Variants in ERBB4 observed in about 807,000 individuals in gnomAD.
The protein encoded by ERBB4 is erb-b2 receptor tyrosine kinase 4.
Under a neutral mutation model 158.0 loss-of-function variants are expected in ERBB4, and 42 were observed. The ratio of observed to expected loss-of-function variants is 0.27; its 90% CI spans 0.21 to 0.34. ERBB4 has a LOEUF of 0.34. Among genes scored for constraint, ERBB4 ranks in the 10% least tolerant of loss-of-function variants. The pLI, the probability that ERBB4 is intolerant of heterozygous loss-of-function variation, is 1.00. For missense variants in ERBB4, 1,333 were observed against 1,624.1 expected, an observed-to-expected ratio of 0.82 and a Z score of 3.08; for synonymous variants, 583 against 558.7, an observed-to-expected ratio of 1.04 and a Z score of -0.61.
intron 12 of ERBB4, among the ~76,000 whole-genome samples, chr2:211,691,598 GTGTGTATATA>G (rs1463737789): frequency 3.4e-4 from 49 of 143,814 alleles, no homozygotes; most frequent in African/African-American, 1.2e-3. Flanking sequence ...GTGTGTGTGT[GTGTGTATATA>G]TATAACAGAT....
At chr2:211,914,215 G>A (rs1473796006) in intron 3 of ERBB4, among the ~76,000 whole-genome samples, 2 of 151,646 alleles carry the variant, frequency 1.3e-5, no homozygotes, top group Admixed American at 6.6e-5. Context: ...GGACTTGAAT[G>A]TGGTACAAGC....
chr2:212,095,778 G>GA (rs1024497975), intron 2 of ERBB4, among the ~76,000 whole-genome samples: 1 of 151,536 alleles, frequency 6.6e-6, no homozygotes, highest in Non-Finnish European at 1.5e-5. Flanking sequence ...TAAAAACACA[G>GA]AAAAAAATTA....
At chr2:211,875,258 T>C (rs1050859639) in intron 3 of ERBB4, among the ~76,000 whole-genome samples, 3 of 152,120 alleles carry the variant, frequency 2.0e-5, no homozygotes, top group Admixed American at 1.3e-4. Flanking sequence ...ACAGAGGCCA[T>C]TTAATTACCT....
At chr2:212,395,454 T>A (rs981445111) in intron 1 of ERBB4, among the ~76,000 whole-genome samples, 10 of 152,026 alleles carry the variant, frequency 6.6e-5, no homozygotes, top group Admixed American at 6.6e-4. Context: ...ATACTGATAC[T>A]GAATCATGAT....
intron 20 of ERBB4, among the ~76,000 whole-genome samples, chr2:211,546,826 C>T (rs1333181564): frequency 1.3e-5 from 2 of 151,984 alleles, no homozygotes; most frequent in African/African-American, 2.4e-5. Flanking sequence ...ATATTGTATG[C>T]CCATTTTAGC....
At chr2:211,899,815 T>C (rs1231796344) in intron 3 of ERBB4, among the ~76,000 whole-genome samples, 1 of 152,184 alleles carries the variant, frequency 6.6e-6, no homozygotes, top group Non-Finnish European at 1.5e-5. Flanking sequence ...AGTAATTTGA[T>C]ATGTTGAAAG....
At chr2:211,422,236 G>T in intron 23 of ERBB4, 132 bp from the exon 24 acceptor site, 1 of 664,562 alleles carries the variant, frequency 1.5e-6, no homozygotes, top group South Asian at 1.5e-5. Flanking sequence ...AAGAAAGCAA[G>T]CTAGTGAAAG....
chr2:211,844,888 A>G (rs980984039), intron 3 of ERBB4, among the ~76,000 whole-genome samples: 3 of 152,090 alleles, frequency 2.0e-5, no homozygotes, highest in Non-Finnish European at 2.9e-5. Flanking sequence ...TCTTTTATAG[A>G]CTAATTTATT....
chr2:212,413,028 T>C (rs2106492694), intron 1 of ERBB4, among the ~76,000 whole-genome samples: 1 of 151,878 alleles, frequency 6.6e-6, no homozygotes, highest in East Asian at 1.9e-4. Context: ...AGTGCAGTGG[T>C]GCGATCTCGG....
intron 27 of ERBB4, among the ~76,000 whole-genome samples, chr2:211,384,719 TTAATAG>T (rs2062648788): frequency 6.6e-6 from 1 of 152,178 alleles, no homozygotes; most frequent in Non-Finnish European, 1.5e-5. Context: ...ATACTTCTAC[TTAATAG>T]TAAAGTATAA....
At chr2:211,627,474 C>T (rs540528742) in intron 17 of ERBB4, among the ~76,000 whole-genome samples, 16 of 152,300 alleles carry the variant, frequency 1.1e-4, no homozygotes, top group African/African-American at 3.6e-4. Flanking sequence ...ACTTTATTCC[C>T]TAGAAAGTGT....
intron 16 of ERBB4, among the ~76,000 whole-genome samples, chr2:211,643,288 C>G (rs566449527): frequency 6.6e-6 from 1 of 152,218 alleles, no homozygotes; most frequent in African/African-American, 2.4e-5. Flanking sequence ...TACTTCTGTC[C>G]TTGGATCTAA....
chr2:211,963,276 G>C (rs2081229386), intron 2 of ERBB4, among the ~76,000 whole-genome samples: 1 of 151,974 alleles, frequency 6.6e-6, no homozygotes, highest in African/African-American at 2.4e-5. Flanking sequence ...ACATGCACCA[G>C]ACAGCCCTTT....
Position 211,789,221 on chromosome 2 carries a change from T to A in ERBB4, c.422-1062A>T, listed in dbSNP as rs1409515310. Among the ~76,000 whole-genome samples the A allele has an allele frequency of 2.6e-5, 4 of 152,132 alleles. No homozygotes were observed. In the East Asian group the frequency reaches 7.7e-4, roughly 29 times the overall value. On this transcript the variant is annotated intron_variant, in intron 3 of 27. Transcript: ENST00000342788. ...CAATTTAAGAGAAATCATGCATCAG[T>A]CCATAAAGTGTTCAACTACAATTAA...
chr2:212,513,178 A>C (rs1387421395), intron 1 of ERBB4, among the ~76,000 whole-genome samples: 1 of 152,188 alleles, frequency 6.6e-6, no homozygotes, highest in African/African-American at 2.4e-5. Flanking sequence ...CTTCCTCACT[A>C]GATTGTTTAA....
rs569303444 is a variant in ERBB4 at position 211,881,779 on chromosome 2, T to C, written c.421+65651A>G. On this transcript the variant is annotated intron_variant, in intron 3 of 27. Transcript: ENST00000342788. ...CCCTCTCTGTAGCAGAGAGCTATTC[T>C]CCTTCTTTTGTCTATTAAACTTCCA... Among the ~76,000 whole-genome samples, 73 of 152,246 alleles carry C rather than the reference T, an allele frequency of 4.8e-4. 1 individual carries two copies. Among genetic ancestry groups the C allele is most frequent in the African/African-American group, 1.7e-3 (72 of 41,554 alleles).
rs577272642 is a variant in ERBB4, at chr2:212,017,199, G to A, written c.235-69583C>T. ...GTAATAGAATGCAACTTCCTTGAGT[G>A]TACATTATCTTTAAATAATTTCTTG... On this transcript the variant is annotated intron_variant, in intron 2 of 27. Coordinates refer to ENST00000342788, the MANE Select transcript of ERBB4 (RefSeq NM_005235.3). Among the ~76,000 whole-genome samples, 7 of 152,154 alleles carry A rather than the reference G, an allele frequency of 4.6e-5. No individual in the cohort carries two copies. In the South Asian group the frequency reaches 1.5e-3, roughly 32 times the overall value.
intron 20 of ERBB4, among the ~76,000 whole-genome samples, chr2:211,503,395 T>A (rs957223906): frequency 6.6e-6 from 1 of 152,102 alleles, no homozygotes; most frequent in Non-Finnish European, 1.5e-5. Flanking sequence ...GAGGAGCATC[T>A]GAACCACATG....
At chr2:212,214,341 A>T (rs1431883825) in intron 1 of ERBB4, among the ~76,000 whole-genome samples, 1 of 151,784 alleles carries the variant, frequency 6.6e-6, no homozygotes, top group African/African-American at 2.4e-5. Flanking sequence ...AATTAATTTA[A>T]AATGAATTAA....
Sources: gnomAD v4.1 joint callset for allele counts (sites outside exome capture counted in the v4.1 genomes callset) on GRCh38, gnomAD v4.1.1 for gene constraint, MANE v1.5 for transcripts, NCBI Gene and HGNC (gene_info 2026-07-23, HGNC 2026-07-21) for gene names.